Variants in RTN1 observed in about 807,000 individuals in gnomAD.
RTN1 encodes the protein reticulon-1.
In RTN1, 25 loss-of-function variants were observed where a neutral mutation model predicts 65.5. That is an observed-to-expected ratio of 0.38 (90% CI 0.28 to 0.53). The LOEUF (loss-of-function observed/expected upper bound fraction) is 0.53. RTN1 is among the 20% of genes least tolerant of loss of function. The pLI is 0.79. For missense variants in RTN1, 983 were observed against 1,025.4 expected, an observed-to-expected ratio of 0.96 and a Z score of 0.57; for synonymous variants, 471 against 447.6, an observed-to-expected ratio of 1.05 and a Z score of -0.66.
intron 3 of RTN1, among the ~76,000 whole-genome samples, chr14:59,649,556 T>C (rs1036317186): frequency 1.3e-5 from 2 of 151,534 alleles, no homozygotes; most frequent in Admixed American, 6.6e-5. Context: ...TTAAAACAAA[T>C]TTATAAAAAA....
intron 3 of RTN1, among the ~76,000 whole-genome samples, chr14:59,697,599 G>A (rs567761971): frequency 6.6e-6 from 1 of 152,058 alleles, no homozygotes; most frequent in African/African-American, 2.4e-5. Context: ...GAAAAATAGG[G>A]TTAGCCTAAC....
chr14:59,763,984 C>G (rs1236214616), intron 1 of RTN1, among the ~76,000 whole-genome samples: 4 of 152,136 alleles, frequency 2.6e-5, no homozygotes, highest in Non-Finnish European at 5.9e-5. Flanking sequence ...GTGAGACTTG[C>G]ACTGGGGCTT....
intron 1 of RTN1, among the ~76,000 whole-genome samples, chr14:59,813,927 G>A (rs190423632): frequency 1.3e-5 from 2 of 152,084 alleles, no homozygotes; most frequent in African/African-American, 2.4e-5. Context: ...AGAGACCATC[G>A]CTGGAATTGA....
At chr14:59,818,898 G>C (rs1394167819) in intron 1 of RTN1, among the ~76,000 whole-genome samples, 1 of 152,140 alleles carries the variant, frequency 6.6e-6, no homozygotes, top group Non-Finnish European at 1.5e-5. Flanking sequence ...GTGGGTTGTT[G>C]GTCTTGCTGA....
intron 3 of RTN1, among the ~76,000 whole-genome samples, chr14:59,642,468 T>C (rs1279021100): frequency 6.6e-6 from 1 of 152,158 alleles, no homozygotes; most frequent in Non-Finnish European, 1.5e-5. Context: ...CTTCTGAAAA[T>C]GTTTCACAAG....
intron 3 of RTN1, among the ~76,000 whole-genome samples, chr14:59,657,020 T>C (rs1002745167): frequency 6.6e-6 from 1 of 152,126 alleles, no homozygotes; most frequent in Non-Finnish European, 1.5e-5. Context: ...ATTTCATGCT[T>C]ATAGCAAAAT....
chr14:59,665,830 A>G (rs1883358495), intron 3 of RTN1, among the ~76,000 whole-genome samples: 1 of 152,194 alleles, frequency 6.6e-6, no homozygotes, highest in South Asian at 2.1e-4. Flanking sequence ...AACAAAGATC[A>G]AAAGAGACAA....
At chr14:59,608,478 T>C (rs554391076) in intron 3 of RTN1, among the ~76,000 whole-genome samples, 2 of 152,300 alleles carry the variant, frequency 1.3e-5, no homozygotes, top group African/African-American at 2.4e-5. Flanking sequence ...AAGAACAATA[T>C]TGAAAAAGTC....
intron 1 of RTN1, among the ~76,000 whole-genome samples, chr14:59,769,065 AG>A (rs949461395): frequency 2.0e-5 from 3 of 152,200 alleles, no homozygotes; most frequent in Non-Finnish European, 4.4e-5. Context: ...AAGTAGCTGA[AG>A]AAGAATTCAA....
At chr14:59,667,153 CA>C (rs200570577) in intron 3 of RTN1, among the ~76,000 whole-genome samples, 57,870 of 151,348 alleles carry the variant, frequency 0.38, 11,395 homozygotes, top group Admixed American at 0.46. Context: ...AAAGACACAA[CA>C]AAAAAAGAGA....
intron 3 of RTN1, among the ~76,000 whole-genome samples, chr14:59,664,741 T>C (rs1883329277): frequency 1.3e-5 from 2 of 152,208 alleles, no homozygotes; most frequent in Admixed American, 6.5e-5. Context: ...ATGTACCATG[T>C]ATTGTTTCAT....
chr14:59,604,985 A>G (rs1284809516), intron 5 of RTN1: 1 of 158,184 alleles, frequency 6.3e-6, no homozygotes, highest in Non-Finnish European at 1.4e-5. Flanking sequence ...ATGCAAAAGT[A>G]TATATGGTTT....
intron 1 of RTN1, among the ~76,000 whole-genome samples, chr14:59,781,157 G>A (rs1292107978): frequency 1.3e-5 from 2 of 152,006 alleles, no homozygotes; most frequent in Non-Finnish European, 2.9e-5. Flanking sequence ...CCAAAAGTGG[G>A]CCTAGGATCC....
chr14:59,688,568 G>A (rs1018340714), intron 3 of RTN1, among the ~76,000 whole-genome samples: 12 of 152,108 alleles, frequency 7.9e-5, no homozygotes, highest in African/African-American at 2.2e-4. Flanking sequence ...AACTTCTCCC[G>A]GTAAGCAAGG....
At chr14:59,689,381 T>C in intron 3 of RTN1, among the ~76,000 whole-genome samples, 1 of 152,148 alleles carries the variant, frequency 6.6e-6, no homozygotes. Flanking sequence ...CTAGAAAACA[T>C]ATTTAAGGGA....
At chr14:59,664,259 T>C (rs562073586) in intron 3 of RTN1, among the ~76,000 whole-genome samples, 35 of 151,278 alleles carry the variant, frequency 2.3e-4, no homozygotes, top group African/African-American at 7.5e-4. Context: ...TAAGTGGGAG[T>C]TGAACGATGA....
intron 1 of RTN1, among the ~76,000 whole-genome samples, chr14:59,818,602 C>T (rs774513704): frequency 2.0e-5 from 3 of 152,022 alleles, no homozygotes; most frequent in Non-Finnish European, 2.9e-5. Context: ...TCTTTGTCAT[C>T]GCGAATAGTA....
chr14:59,678,276 T>G (rs1292623259), intron 3 of RTN1, among the ~76,000 whole-genome samples: 2 of 152,196 alleles, frequency 1.3e-5, no homozygotes, highest in Non-Finnish European at 2.9e-5. Flanking sequence ...TGAATGCTAA[T>G]GCGAAAATGG....
chr14:59,787,399 C>G (rs1429983436), intron 1 of RTN1, among the ~76,000 whole-genome samples: 1 of 152,176 alleles, frequency 6.6e-6, no homozygotes, highest in South Asian at 2.1e-4. Flanking sequence ...TAGTACCAGT[C>G]TCATAGGTCC....
Sources: allele counts gnomAD v4.1 joint callset (sites outside exome capture counted in the v4.1 genomes callset), GRCh38; gene constraint gnomAD v4.1.1; transcripts MANE v1.5; gene names NCBI Gene and HGNC (gene_info 2026-07-23, HGNC 2026-07-21).